Variants in PKIB observed in about 807,000 individuals in gnomAD.
PKIB encodes cAMP-dependent protein kinase inhibitor beta.
Under a neutral mutation model 4.5 loss-of-function variants are expected in PKIB, and 2 were observed. The observed-to-expected ratio is 0.44, with a 90% CI of 0.18 to 1.39. The LOEUF is 1.39. Ranked by LOEUF, PKIB falls within the 40% of genes most tolerant of loss-of-function variation. The pLI is 0.27. For synonymous variants in PKIB, 38 were observed against 36.0 expected, an observed-to-expected ratio of 1.06 and a Z score of -0.20; for missense variants, 94 against 92.6, an observed-to-expected ratio of 1.02 and a Z score of -0.06.
chr6:122,669,142 G>T (rs1169009713), intron 2 of PKIB, among the ~76,000 whole-genome samples: 2 of 152,054 alleles, frequency 1.3e-5, no homozygotes, highest in African/African-American at 4.8e-5. Context: ...CTTCATTCTT[G>T]TCACCTCTTT....
At chr6:122,557,628 G>T (rs995523505) in intron 2 of PKIB, among the ~76,000 whole-genome samples, 1 of 152,210 alleles carries the variant, frequency 6.6e-6, no homozygotes, top group Non-Finnish European at 1.5e-5. Context: ...TCTTGGCCCT[G>T]GCAATTAGGA....
rs71021412 is a variant in PKIB, at chr6:122,662,308, C to CTTTTTTTTTTTTTTTTTTTTTT, written c.-75-12762_-75-12741dup. 1.1e-3 allele frequency among the ~76,000 whole-genome samples: 14 copies of CTTTTTTTTTTTTTTTTTTTTTT among 13,260 alleles called. 2 individuals carry two copies. The highest frequency in any genetic ancestry group is 6.5e-3 in the South Asian group (1 of 154). The allele number at this position is 13,260 out of a possible 152,430, so 8.7% of individuals were successfully genotyped here. On this transcript the variant is annotated intron_variant, in intron 2 of 4. Coordinates refer to ENST00000368452, the MANE Select transcript of PKIB (RefSeq NM_181795.3). ...CTCTCCTTCTTTCTTTCCTTGTCTC[C>CTTTTTTTTTTTTTTTTTTTTTT]TTTTTTTTTTTTTTTTTTTTTTTTT...
chr6:122,546,799 C>CA (rs1467624237), intron 2 of PKIB, among the ~76,000 whole-genome samples: 1 of 151,770 alleles, frequency 6.6e-6, no homozygotes, highest in Admixed American at 6.6e-5. Flanking sequence ...GCTAAATATG[C>CA]AAAATCAGAG....
chr6:122,714,581 G>A (rs560487541), intron 3 of PKIB, among the ~76,000 whole-genome samples: 7 of 152,154 alleles, frequency 4.6e-5, no homozygotes, highest in Non-Finnish European at 7.4e-5. Flanking sequence ...TGAAATAAAC[G>A]TGAAACCCAG....
chr6:122,492,728 GC>G (rs1291351466), intron 2 of PKIB, among the ~76,000 whole-genome samples: 1 of 150,398 alleles, frequency 6.6e-6, no homozygotes, highest in Non-Finnish European at 1.5e-5. Context: ...TTATGAGTTT[GC>G]CCCAGTATAG....
chr6:122,474,489 T>G (rs1373311039), intron 1 of PKIB, among the ~76,000 whole-genome samples: 1 of 152,264 alleles, frequency 6.6e-6, no homozygotes, highest in Admixed American at 6.5e-5. Context: ...TTCATAGCCT[T>G]CTGGCAGCCC....
chr6:122,623,072 A>T (rs542133541), intron 1 of PKIB, among the ~76,000 whole-genome samples: 1 of 152,328 alleles, frequency 6.6e-6, no homozygotes, highest in Non-Finnish European at 1.5e-5. Context: ...TGTTTGAGAA[A>T]ACCCGCCAAG....
At chr6:122,578,628 C>T (rs1462993714) in intron 2 of PKIB, among the ~76,000 whole-genome samples, 1 of 152,182 alleles carries the variant, frequency 6.6e-6, no homozygotes, top group East Asian at 1.9e-4. Context: ...ATCTTGGTCT[C>T]TGTTGCTCCT....
intron 3 of PKIB, among the ~76,000 whole-genome samples, chr6:122,682,164 A>G (rs1777920215): frequency 6.6e-6 from 1 of 152,060 alleles, no homozygotes; most frequent in African/African-American, 2.4e-5. Context: ...CGAATAGTCT[A>G]TAATTCTAAA....
intron 2 of PKIB, among the ~76,000 whole-genome samples, chr6:122,668,518 A>G (rs923931082): frequency 6.6e-6 from 1 of 152,222 alleles, no homozygotes; most frequent in East Asian, 1.9e-4. Flanking sequence ...GCAGACTAAA[A>G]CTAGAGAGAA....
rs147820170 is a variant in PKIB, at chr6:122,726,331, T to C, written c.*1136T>C. 6.6e-6 allele frequency: 1 copy of C among 152,280 alleles called. No individual in the cohort carries two copies. Among genetic ancestry groups the C allele is most frequent in the East Asian group, 1.9e-4 (1 of 5,188 alleles). 9.4% of individuals were successfully genotyped at this position (152,280 alleles called of 1,614,324 possible). On this transcript the variant is annotated 3_prime_UTR_variant, in exon 5 of 5. Coordinates refer to ENST00000368452, the MANE Select transcript of PKIB (RefSeq NM_181795.3). ...TGACTTAGGCTATGTCTGTATACAG[T>C]AACCAAATAAACTCTTTCACTATTA... is the stretch of plus-strand genomic sequence containing the variant.
Position 122,473,495 on chromosome 6 carries a change from TA to T in PKIB, c.-337+1462del, listed in dbSNP as rs199507448. ...TGTAACACTTGGCCTTGAAATACAT[TA>T]AAAAAAATTTACTTTTATTTAACCT... On this transcript the variant is annotated intron_variant, in intron 1 of 6. Transcript: ENST00000392491. 2.3e-3 allele frequency among the ~76,000 whole-genome samples: 344 copies of T among 152,258 alleles called. 8 individuals carry two copies. In the East Asian group the frequency reaches 0.043, roughly 19 times the overall value.
intron 2 of PKIB, among the ~76,000 whole-genome samples, chr6:122,579,291 A>T (rs759707818): frequency 3.9e-5 from 6 of 152,062 alleles, no homozygotes; most frequent in Non-Finnish European, 7.4e-5. Context: ...TTCCATCTTC[A>T]TATCTTTGCA....
At chr6:122,650,002 G>A (rs374523429) in intron 2 of PKIB, among the ~76,000 whole-genome samples, 5 of 152,172 alleles carry the variant, frequency 3.3e-5, no homozygotes, top group African/African-American at 9.6e-5. Flanking sequence ...TCTTATTTGG[G>A]TACCCACCTA....
chr6:122,528,421 A>C (rs1405036597), intron 2 of PKIB, among the ~76,000 whole-genome samples: 1 of 152,168 alleles, frequency 6.6e-6, no homozygotes, highest in Non-Finnish European at 1.5e-5. Context: ...TGGATGGCTT[A>C]AGCAATACAA....
intron 3 of PKIB, among the ~76,000 whole-genome samples, chr6:122,703,549 C>T (rs953674388): frequency 1.3e-5 from 2 of 151,676 alleles, no homozygotes; most frequent in East Asian, 1.9e-4. Context: ...ATGAACTAAA[C>T]TTGAAAAAGA....
intron 3 of PKIB, among the ~76,000 whole-genome samples, chr6:122,693,696 T>C (rs1302106684): frequency 6.6e-6 from 1 of 152,218 alleles, no homozygotes; most frequent in Non-Finnish European, 1.5e-5. Context: ...TTAAGTTCAC[T>C]TGGAAAGCAC....
chr6:122,508,058 A>G (rs1776468200), intron 2 of PKIB, among the ~76,000 whole-genome samples: 1 of 152,154 alleles, frequency 6.6e-6, no homozygotes, highest in Non-Finnish European at 1.5e-5. Context: ...CTTGAGAATT[A>G]TAGGGAATGC....
At chr6:122,494,172 CA>C (rs1776014803) in intron 2 of PKIB, among the ~76,000 whole-genome samples, 1 of 152,054 alleles carries the variant, frequency 6.6e-6, no homozygotes, top group Non-Finnish European at 1.5e-5. Context: ...AAATTAAATC[CA>C]AACACCAAAA....
Sources: allele counts gnomAD v4.1 joint callset (sites outside exome capture counted in the v4.1 genomes callset), GRCh38; gene constraint gnomAD v4.1.1; transcripts MANE v1.5; gene names NCBI Gene and HGNC (gene_info 2026-07-23, HGNC 2026-07-21).